RTL4: variants seen among roughly 807,000 people sequenced by gnomAD.
RTL4 encodes the protein retrotransposon Gag like 4, also known as retrotransposon Gag-like protein 4.
In RTL4, 4 loss-of-function variants were observed where a neutral mutation model predicts 5.3. That is an observed-to-expected ratio of 0.75 (90% CI 0.37 to 1.72). The LOEUF (loss-of-function observed/expected upper bound fraction) is 1.72, where lower values mean the gene tolerates loss of function less well. Among genes scored for constraint, RTL4 ranks in the 40% most tolerant of loss-of-function variants. The pLI, the probability that RTL4 is intolerant of heterozygous loss-of-function variation, is 0.04. For synonymous variants in RTL4, 98 were observed against 87.3 expected (o/e 1.12, Z -0.68); for missense variants, 260 against 227.1 (o/e 1.14, Z -0.93).
the RTL4 span, among the ~76,000 whole-genome samples, chrX:112,418,810 A>C: frequency 9.1e-6 from 1 of 109,819 alleles, no homozygotes; most frequent in Non-Finnish European, 1.9e-5. Context: ...TTATTTAAGC[A>C]AAGTGATATA....
the RTL4 span, among the ~76,000 whole-genome samples, chrX:112,438,642 CCCT>C: frequency 8.9e-6 from 1 of 112,493 alleles, no homozygotes; most frequent in South Asian, 3.7e-4. Context: ...TTCCAGTACT[CCCT>C]ATACCTCAGA....
chrX:112,331,246 G>A, the RTL4 span, among the ~76,000 whole-genome samples: 469 of 107,207 alleles, frequency 4.4e-3, 1 homozygote, highest in African/African-American at 9.2e-3. Context: ...GAAAATTTTC[G>A]CAACCTACTC....
the RTL4 span, among the ~76,000 whole-genome samples, chrX:112,106,600 CT>C: frequency 8.9e-6 from 1 of 112,093 alleles, no homozygotes; most frequent in East Asian, 2.8e-4. Context: ...AACCTCCATA[CT>C]GTTTTCCATA....
At chrX:112,241,995 C>G in the RTL4 span, among the ~76,000 whole-genome samples, 6 of 111,708 alleles carry the variant, frequency 5.4e-5, no homozygotes, top group African/African-American at 1.6e-4. Context: ...TGTCAAAGAT[C>G]AGATGGTTGT....
At chrX:112,355,085 C>G in the RTL4 span, among the ~76,000 whole-genome samples, 196 of 111,505 alleles carry the variant, frequency 1.8e-3, no homozygotes, top group African/African-American at 6.1e-3. Flanking sequence ...TGTTCCTTTT[C>G]TTCAGCTGGG....
At chrX:112,120,938 G>T in the RTL4 span, among the ~76,000 whole-genome samples, 1 of 111,287 alleles carries the variant, frequency 9.0e-6, no homozygotes, top group Non-Finnish European at 1.9e-5. Context: ...GCTGCCACTA[G>T]TTGAGAGATA....
At chrX:112,341,038 C>A in the RTL4 span, among the ~76,000 whole-genome samples, 1 of 110,756 alleles carries the variant, frequency 9.0e-6, no homozygotes, top group African/African-American at 3.3e-5. Flanking sequence ...ATTTTGAACA[C>A]GACTAATTAA....
the RTL4 span, among the ~76,000 whole-genome samples, chrX:112,396,229 G>C: frequency 9.0e-6 from 1 of 110,858 alleles, no homozygotes; most frequent in Middle Eastern, 4.6e-3. Context: ...TGTGAGTTCA[G>C]TGCAATGTCT....
the RTL4 span, among the ~76,000 whole-genome samples, chrX:112,165,400 T>C: frequency 1.6e-4 from 18 of 111,914 alleles, no homozygotes; most frequent in African/African-American, 5.2e-4. Flanking sequence ...CAACACTTGA[T>C]TACAGATTGA....
the RTL4 span, among the ~76,000 whole-genome samples, chrX:112,228,780 A>T: frequency 9.0e-6 from 1 of 111,564 alleles, no homozygotes; most frequent in Non-Finnish European, 1.9e-5. Context: ...GAGATCATAC[A>T]TTTTTTGTCT....
chrX:112,230,242 C>T, the RTL4 span, among the ~76,000 whole-genome samples: 4 of 112,329 alleles, frequency 3.6e-5, no homozygotes, highest in Non-Finnish European at 5.6e-5. Context: ...GCGCCCCTTC[C>T]GCAGCCTCAC....
the RTL4 span, among the ~76,000 whole-genome samples, chrX:112,125,439 G>A: frequency 5.4e-5 from 6 of 111,688 alleles, no homozygotes; most frequent in Admixed American, 1.9e-4. Flanking sequence ...CCACAAAACC[G>A]CAGCACCAAA....
At chrX:112,185,446 G>T in the RTL4 span, among the ~76,000 whole-genome samples, 1 of 103,590 alleles carries the variant, frequency 9.7e-6, no homozygotes, top group Non-Finnish European at 2.0e-5. Context: ...TGATAGGACT[G>T]ATATGTAGGC....
chrX:112,131,780 T>C, the RTL4 span, among the ~76,000 whole-genome samples: 2 of 110,051 alleles, frequency 1.8e-5, no homozygotes, highest in Admixed American at 9.7e-5. Flanking sequence ...CAGGTCCAAA[T>C]AGGAAAATAA....
the RTL4 span, among the ~76,000 whole-genome samples, chrX:112,419,789 G>A: frequency 9.4e-6 from 1 of 106,122 alleles, no homozygotes; most frequent in Non-Finnish European, 1.9e-5. Context: ...CTAGAAAATG[G>A]TGAAGCTCTT....
At chrX:112,390,718 A>T in the RTL4 span, among the ~76,000 whole-genome samples, 1 of 110,542 alleles carries the variant, frequency 9.0e-6, no homozygotes, top group Non-Finnish European at 1.9e-5. Flanking sequence ...TTTGTCAGTG[A>T]CCTGTCCTTT....
chrX:112,385,672 T>A, the RTL4 span, among the ~76,000 whole-genome samples: 1 of 111,965 alleles, frequency 8.9e-6, no homozygotes, highest in Admixed American at 9.5e-5. Context: ...CTTTCAAAAC[T>A]GTCTTACCTA....
the RTL4 span, among the ~76,000 whole-genome samples, chrX:112,158,545 AT>A: frequency 9.2e-6 from 1 of 109,220 alleles, no homozygotes. Context: ...TAGAATACGA[AT>A]TTTTTTACCA....
At chrX:112,382,119 C>G in the RTL4 span, 1 of 1,208,917 alleles carries the variant, frequency 8.3e-7, no homozygotes, top group Non-Finnish European at 1.1e-6. Flanking sequence ...TTAATCCGGG[C>G]GAGGCAGAGA....
Sources: gnomAD v4.1 joint callset for allele counts (sites outside exome capture counted in the v4.1 genomes callset) on GRCh38, gnomAD v4.1.1 for gene constraint, MANE v1.5 for transcripts, NCBI Gene and HGNC (gene_info 2026-07-23, HGNC 2026-07-21) for gene names.